Variants in METAP1D observed in about 807,000 individuals in gnomAD.
METAP1D encodes the protein methionyl aminopeptidase type 1D, mitochondrial.
Under a neutral mutation model 40.5 loss-of-function variants are expected in METAP1D, and 31 were observed. The ratio of observed to expected loss-of-function variants is 0.77; its 90% CI spans 0.58 to 1.03. METAP1D has a LOEUF of 1.03. METAP1D is among the 50% of genes least tolerant of loss of function. METAP1D has a pLI of 0.00. For missense variants in METAP1D, 411 were observed against 420.7 expected, an observed-to-expected ratio of 0.98 and a Z score of 0.20; for synonymous variants, 151 against 146.4, an observed-to-expected ratio of 1.03 and a Z score of -0.22.
intron 1 of METAP1D, among the ~76,000 whole-genome samples, chr2:172,009,660 A>C (rs1363527195): frequency 6.6e-6 from 1 of 152,098 alleles, no homozygotes; most frequent in African/African-American, 2.4e-5. Flanking sequence ...ACTATACCTT[A>C]ATGTTAGAGT....
intron 1 of METAP1D, among the ~76,000 whole-genome samples, chr2:172,043,110 TATATA>T (rs1345300859): frequency 0.061 from 1,918 of 31,406 alleles, 188 homozygotes; most frequent in East Asian, 0.44. Context: ...TATATATATA[TATATA>T]TATTTTTTGG....
intron 1 of METAP1D, among the ~76,000 whole-genome samples, chr2:172,017,466 C>A (rs1219590335): frequency 6.6e-6 from 1 of 151,760 alleles, no homozygotes; most frequent in Non-Finnish European, 1.5e-5. Flanking sequence ...GGCTCACGTT[C>A]ACCTGTATTA....
At chr2:172,056,795 T>C (rs1467116870) in intron 1 of METAP1D, among the ~76,000 whole-genome samples, 2 of 152,192 alleles carry the variant, frequency 1.3e-5, no homozygotes, top group African/African-American at 2.4e-5. Context: ...TCCCATTTAA[T>C]AGTGAAGAAA....
At chr2:172,076,170 C>T (rs1356393222) in intron 6 of METAP1D, among the ~76,000 whole-genome samples, 2 of 150,200 alleles carry the variant, frequency 1.3e-5, no homozygotes, top group Admixed American at 6.6e-5. Context: ...GCCAATCAGC[C>T]GGATCCTCTA....
intron 1 of METAP1D, among the ~76,000 whole-genome samples, chr2:172,031,405 T>G (rs1689239706): frequency 6.6e-6 from 1 of 152,150 alleles, no homozygotes. Flanking sequence ...GGCTTTAGGT[T>G]GTAGGAAAGG....
intron 1 of METAP1D, among the ~76,000 whole-genome samples, chr2:172,012,591 A>G (rs1404927386): frequency 6.6e-6 from 1 of 152,212 alleles, no homozygotes; most frequent in East Asian, 1.9e-4. Flanking sequence ...CAGCTGCGGA[A>G]GACAGTCTCG....
At chr2:172,036,320 A>G (rs1689384195) in intron 1 of METAP1D, among the ~76,000 whole-genome samples, 1 of 39,790 alleles carries the variant, frequency 2.5e-5, no homozygotes, top group African/African-American at 1.8e-4. Flanking sequence ...CTGTCTCAAG[A>G]AAAAAAAAAA....
chr2:172,047,083 C>T (rs1036136514), intron 1 of METAP1D, among the ~76,000 whole-genome samples: 24 of 151,998 alleles, frequency 1.6e-4, no homozygotes, highest in African/African-American at 3.6e-4. Context: ...GTTCACACGG[C>T]GTGCTTTGGT....
chr2:172,032,690 C>T (rs1338559029), intron 1 of METAP1D, among the ~76,000 whole-genome samples: 1 of 152,178 alleles, frequency 6.6e-6, no homozygotes, highest in Non-Finnish European at 1.5e-5. Flanking sequence ...ATCTACTGGT[C>T]ATCAATGGTT....
chr2:172,016,303 AT>A (rs1688861343), intron 1 of METAP1D, among the ~76,000 whole-genome samples: 65 of 66,752 alleles, frequency 9.7e-4, no homozygotes, highest in Non-Finnish European at 1.4e-3. Flanking sequence ...AAAAAAAAAT[AT>A]ATATATATAT....
chr2:172,009,428 T>C (rs1347672663), intron 1 of METAP1D, among the ~76,000 whole-genome samples: 3 of 150,566 alleles, frequency 2.0e-5, no homozygotes, highest in African/African-American at 7.3e-5. Context: ...CGTAACAGGT[T>C]TATCCTCCAA....
intron 1 of METAP1D, among the ~76,000 whole-genome samples, chr2:172,021,423 G>A (rs1376367309): frequency 1.3e-5 from 2 of 152,188 alleles, no homozygotes; most frequent in South Asian, 2.1e-4. Context: ...CAAAATTAAT[G>A]TCACCTGCAG....
intron 1 of METAP1D, among the ~76,000 whole-genome samples, chr2:172,033,557 C>T (rs566820696): frequency 2.6e-5 from 4 of 151,974 alleles, no homozygotes; most frequent in African/African-American, 9.6e-5. Flanking sequence ...GGTTTCACTA[C>T]GTTGGCCAGG....
At chr2:172,057,793 C>T (rs567834240) in intron 1 of METAP1D, among the ~76,000 whole-genome samples, 1 of 152,250 alleles carries the variant, frequency 6.6e-6, no homozygotes, top group Non-Finnish European at 1.5e-5. Flanking sequence ...AATAACAGTT[C>T]ACAATTCATA....
intron 5 of METAP1D, among the ~76,000 whole-genome samples, chr2:172,069,745 AATCC>A (rs1690378019): frequency 6.6e-6 from 1 of 152,186 alleles, no homozygotes; most frequent in Admixed American, 6.5e-5. Flanking sequence ...AGAAGCCAAT[AATCC>A]ATCATATTAA....
At chr2:172,023,237 G>T (rs991923163) in intron 1 of METAP1D, among the ~76,000 whole-genome samples, 2 of 152,172 alleles carry the variant, frequency 1.3e-5, no homozygotes, top group African/African-American at 4.8e-5. Flanking sequence ...TCACAAATTT[G>T]ATTTCAGTTT....
intron 1 of METAP1D, among the ~76,000 whole-genome samples, chr2:172,059,272 C>T (rs935043482): frequency 4.6e-5 from 7 of 152,002 alleles, no homozygotes; most frequent in African/African-American, 1.7e-4. Flanking sequence ...CCATGCCCGG[C>T]TAATTTTTGT....
intron 1 of METAP1D, among the ~76,000 whole-genome samples, chr2:172,016,060 C>T (rs1220292076): frequency 2.1e-5 from 3 of 143,580 alleles, no homozygotes; most frequent in East Asian, 4.0e-4. Context: ...AGTTCGAGAT[C>T]GGCCTGGCTA....
intron 1 of METAP1D, among the ~76,000 whole-genome samples, chr2:172,031,518 A>G (rs1289910031): frequency 1.3e-5 from 2 of 152,232 alleles, no homozygotes; most frequent in Non-Finnish European, 2.9e-5. Flanking sequence ...TGGATATTAT[A>G]TAATAAGATG....
Sources: allele counts gnomAD v4.1 joint callset (sites outside exome capture counted in the v4.1 genomes callset), GRCh38; gene constraint gnomAD v4.1.1; transcripts MANE v1.5; gene names NCBI Gene and HGNC (gene_info 2026-07-23, HGNC 2026-07-21).